NEIL3: variants seen among roughly 807,000 people sequenced by gnomAD.
NEIL3 encodes the protein nei like DNA glycosylase 3.
A neutral mutation model predicts 57.5 loss-of-function variants in NEIL3; 48 were observed. The observed-to-expected ratio is 0.83, with a 90% CI of 0.66 to 1.06. The LOEUF is 1.06. Ranked by LOEUF, NEIL3 falls within the 50% of genes least tolerant of loss-of-function variation. The pLI, the probability that NEIL3 is intolerant of heterozygous loss-of-function variation, is 0.00. For missense variants in NEIL3, 717 were observed against 739.1 expected (o/e 0.97, Z 0.35); for synonymous variants, 261 against 253.2 (o/e 1.03, Z -0.29).
chr4:177,344,406 G>A (rs1056568815), intron 6 of NEIL3, among the ~76,000 whole-genome samples: 1 of 152,148 alleles, frequency 6.6e-6, no homozygotes, highest in Non-Finnish European at 1.5e-5. Flanking sequence ...TTAAGCTGAA[G>A]AAGTCTGAAA....
At position 177,322,118 on chromosome 4, in the gene NEIL3, A is replaced by G. The variant is rs1479046441; in HGVS notation, c.157-341A>G. ...TATACTTCTGGAAATGGAAGAACCTATATTCCAGTTTTTAGTTTTAGAACA... is the reference window on the plus strand; with the variant it reads ...TATACTTCTGGAAATGGAAGAACCTGTATTCCAGTTTTTAGTTTTAGAACA... On this transcript the variant is annotated intron_variant, in intron 1 of 9. Coordinates refer to ENST00000264596, the MANE Select transcript of NEIL3 (RefSeq NM_018248.3). 2.0e-5 allele frequency among the ~76,000 whole-genome samples: 3 copies of G among 152,352 alleles called. No homozygotes were observed. The East Asian group carries it at 5.8e-4, about 29-fold the overall frequency.
In NEIL3 at chr4:177,339,789, C is replaced by T. The variant is rs2110911143; in HGVS notation, c.634C>T (p.Gln212Ter). 1.2e-6 allele frequency: 2 copies of T among 1,612,128 alleles called. No individual in the cohort carries two copies. Among genetic ancestry groups the T allele is most frequent in the East Asian group, 4.5e-5 (2 of 44,820 alleles). The change falls in exon 5 of 10, where the codon CAA becomes TAA. Residue 212 changes from glutamine to a stop codon, truncating the protein, a stop_gained. Transcript: ENST00000264596. LOFTEE classifies it high-confidence loss of function. ...SGLHPAVKVC[Q>*]LTDEQIHHLM... Reference sequence around the variant, plus strand: ...CTGTTTTTTCCACTTCAAGGTTTGTCAATTAACAGATGAACAGATCCATCA... The same window carrying T: ...CTGTTTTTTCCACTTCAAGGTTTGTTAATTAACAGATGAACAGATCCATCA...
chr4:177,368,675 A>G, the NEIL3 span, among the ~76,000 whole-genome samples: 37 of 152,348 alleles, frequency 2.4e-4, no homozygotes, highest in Admixed American at 7.8e-4. Context: ...AGTCTATTGA[A>G]CATTTTTAAC....
intron 8 of NEIL3, chr4:177,356,975 A>G (rs1735486125): frequency 1.3e-5 from 2 of 152,162 alleles, no homozygotes; most frequent in South Asian, 4.1e-4. Context: ...ACAATAACAA[A>G]ATCATTAATA....
At position 177,336,159 on chromosome 4, in the gene NEIL3, A is replaced by T; in HGVS notation, c.465A>T (p.Val155=). ...QRIRMMKELD[V]CSPEFSFLRA... ...TAAGAATGATGAAAGAATTAGATGTATGTTCACCTGAATTTAGTTTCTTGA... is the reference window on the plus strand; with the variant it reads ...TAAGAATGATGAAAGAATTAGATGTTTGTTCACCTGAATTTAGTTTCTTGA... Residue 155 remains valine, a synonymous_variant, in exon 4 of 10, where the codon GTA becomes GTT. Coordinates refer to ENST00000264596, the MANE Select transcript of NEIL3 (RefSeq NM_018248.3). 6.2e-7 allele frequency: 1 copy of T among 1,613,886 alleles called. No individual in the cohort carries two copies. The highest frequency in any genetic ancestry group is 8.5e-7 in the Non-Finnish European group (1 of 1,179,754).
intron 8 of NEIL3, chr4:177,354,264 T>TC (rs397785158): frequency 1.3e-5 from 2 of 152,914 alleles, no homozygotes; most frequent in Non-Finnish European, 2.9e-5. Flanking sequence ...TTTTTTTTTT[T>TC]CTGACAATAA....
Position 177,341,566 on chromosome 4 carries a change from C to T in NEIL3, c.793C>T (p.Arg265Cys), listed in dbSNP as rs762418261. Residue 265 changes from arginine (R) to cysteine (C), a missense_variant, in exon 6 of 10, where the codon CGC becomes TGC. By Grantham distance (180) the Arg-to-Cys change is radical. Coordinates refer to ENST00000264596, the MANE Select transcript of NEIL3 (RefSeq NM_018248.3). ...GTGCCACTGCAGAATAACTGTGTGC[C>T]GCTTTGGGGACAATAACAGAATGAC... The part of the protein sequence containing the change: ...GQCHCRITVC[R>C]FGDNNRMTYF... 4 of 1,613,410 alleles carry T rather than the reference C, an allele frequency of 2.5e-6. No homozygotes were observed. Among genetic ancestry groups the T allele is most frequent in the African/African-American group, 1.3e-5 (1 of 74,856 alleles).
In NEIL3 at chr4:177,351,656, T is replaced by G. The variant is rs35832273; in HGVS notation, c.1039+107T>G. ...CTTGATATTCCATAACTAAATAAAA[T>G]TTCTTTCTCAAAGGTTTAAAGGAAT... On this transcript the variant is annotated intron_variant, in intron 7 of 9. Coordinates refer to ENST00000264596, the MANE Select transcript of NEIL3 (RefSeq NM_018248.3). 7.7e-5 allele frequency: 70 copies of G among 909,382 alleles called. No homozygotes were observed. The African/African-American group carries it at 1.1e-3, about 14-fold the overall frequency. 56.3% of individuals were successfully genotyped at this position (909,382 alleles called of 1,614,324 possible). A position where few individuals can be genotyped will look rare whatever the true frequency, so the allele number is the denominator to read the frequency against.
In NEIL3 at chr4:177,327,997, C is replaced by T. The variant is rs529184971; in HGVS notation, c.278+5417C>T. Among the ~76,000 whole-genome samples, 45 of 152,164 alleles carry T rather than the reference C, an allele frequency of 3.0e-4. 2 individuals carry two copies. In the South Asian group the frequency reaches 9.3e-3, roughly 32 times the overall value. On this transcript the variant is annotated intron_variant, in intron 2 of 9. Coordinates refer to ENST00000264596, the MANE Select transcript of NEIL3 (RefSeq NM_018248.3). ...TTGTGTCTTCATAAGAGATATTGCA[C>T]TATGGTGTTATTTTTCTGTTACTGC...
chr4:177,339,874 T>C lies in NEIL3; in HGVS notation c.702+17T>C. The C allele has an allele frequency of 1.9e-6, 3 of 1,569,164 alleles. No individual in the cohort carries two copies. Among genetic ancestry groups the C allele is most frequent in the Middle Eastern group, 3.4e-4 (2 of 5,958 alleles). Reference sequence around the variant, plus strand: ...TTTTACAGGGTAAGAGCAAAATTTTTCAACTGTGTAAAATGTAAAATGTCA... The same window carrying C: ...TTTTACAGGGTAAGAGCAAAATTTTCCAACTGTGTAAAATGTAAAATGTCA... On this transcript the variant is annotated intron_variant, in intron 5 of 9. Coordinates refer to ENST00000264596, the MANE Select transcript of NEIL3 (RefSeq NM_018248.3).
At chr4:177,326,370 A>AC (rs1734780209) in intron 2 of NEIL3, among the ~76,000 whole-genome samples, 1 of 152,042 alleles carries the variant, frequency 6.6e-6, no homozygotes, top group African/African-American at 2.4e-5. Flanking sequence ...CTATTTCTGA[A>AC]CTCTGCATTC....
intron 8 of NEIL3, among the ~76,000 whole-genome samples, chr4:177,357,466 T>G (rs1217486221): frequency 6.6e-6 from 1 of 152,180 alleles, no homozygotes; most frequent in African/African-American, 2.4e-5. Context: ...GAAGCCAAGA[T>G]TGGACACCCC....
At chr4:177,363,432 C>T (rs1444053085), downstream of NEIL3, among the ~76,000 whole-genome samples, 1 of 152,182 alleles carries the variant, frequency 6.6e-6, no homozygotes, top group African/African-American at 2.4e-5. Context: ...ACTGAAAAGA[C>T]AGGACCAACC....
intron 2 of NEIL3, among the ~76,000 whole-genome samples, chr4:177,331,582 CTTTATCTCTTGATATA>C (rs1172754413): frequency 2.6e-5 from 4 of 152,110 alleles, no homozygotes; most frequent in Non-Finnish European, 4.4e-5. Context: ...CTGTTGACTG[CTTTATCTCTTGATATA>C]TTTATCTCTT....
At chr4:177,314,202 C>A (rs537035726) in intron 1 of NEIL3, among the ~76,000 whole-genome samples, 5 of 152,164 alleles carry the variant, frequency 3.3e-5, no homozygotes, top group African/African-American at 1.2e-4. Context: ...TCAAGATCAT[C>A]ATTATTGGTA....
At chr4:177,358,504 A>G (rs559604205) in intron 8 of NEIL3, among the ~76,000 whole-genome samples, 2 of 152,110 alleles carry the variant, frequency 1.3e-5, no homozygotes, top group Middle Eastern at 3.4e-3. Context: ...ACGGGGTTTC[A>G]CCATGTTGGC....
At chr4:177,319,167 T>C (rs1252334039) in intron 1 of NEIL3, among the ~76,000 whole-genome samples, 2 of 152,202 alleles carry the variant, frequency 1.3e-5, no homozygotes, top group Non-Finnish European at 1.5e-5. Context: ...ACTGTCTTAT[T>C]AGGTGTTGTG....
rs539818029 is a variant in NEIL3, at chr4:177,325,635, T to C, written c.278+3055T>C. Among the ~76,000 whole-genome samples the C allele has an allele frequency of 1.2e-3, 185 of 152,230 alleles. 1 individual carries two copies. Among genetic ancestry groups the C allele is most frequent in the African/African-American group, 4.3e-3 (179 of 41,566 alleles). ...TTGACTTTAAGAGGAATTGCCAAAC[T>C]GTTCTTAAAAGTGGTGGTACCATTT... is the stretch of plus-strand genomic sequence containing the variant. On this transcript the variant is annotated intron_variant, in intron 2 of 9. Transcript: ENST00000264596.
At chr4:177,313,281 T>C (rs752600810) in intron 1 of NEIL3, among the ~76,000 whole-genome samples, 1 of 152,208 alleles carries the variant, frequency 6.6e-6, no homozygotes, top group Non-Finnish European at 1.5e-5. Context: ...ACTGTTACTG[T>C]GTCATATAGC....
Sources: allele counts gnomAD v4.1 joint callset (sites outside exome capture counted in the v4.1 genomes callset), GRCh38; gene constraint gnomAD v4.1.1; transcripts MANE v1.5; gene names NCBI Gene and HGNC (gene_info 2026-07-23, HGNC 2026-07-21).